Variants in KLKB1 observed in about 807,000 individuals in gnomAD.
KLKB1 encodes plasma kallikrein.
Under a neutral mutation model 73.6 loss-of-function variants are expected in KLKB1, and 58 were observed. The observed-to-expected ratio is 0.79, with a 90% CI of 0.64 to 0.98. The LOEUF (loss-of-function observed/expected upper bound fraction) is 0.98. Among genes scored for constraint, KLKB1 ranks in the 50% least tolerant of loss-of-function variants. The pLI, the probability that KLKB1 is intolerant of heterozygous loss-of-function variation, is 0.00. For synonymous variants in KLKB1, 280 were observed against 258.1 expected, an observed-to-expected ratio of 1.08 and a Z score of -0.81; for missense variants, 737 against 763.8, an observed-to-expected ratio of 0.96 and a Z score of 0.41.
intron 2 of KLKB1, chr4:186,228,976 A>G (rs1413714568): frequency 6.6e-6 from 1 of 152,224 alleles, no homozygotes; most frequent in Non-Finnish European, 1.5e-5. Context: ...TATGGCTACA[A>G]TAAACATCTA....
At chr4:186,226,976 G>A (rs971217402), upstream of KLKB1, among the ~76,000 whole-genome samples, 19 of 152,148 alleles carry the variant, frequency 1.2e-4, no homozygotes, top group African/African-American at 4.6e-4. Context: ...GGGTGAGCAT[G>A]GGGCTGAGGC....
At chr4:186,218,654 G>GCA (rs1736964237) in intron 2 of KLKB1, among the ~76,000 whole-genome samples, 2 of 101,654 alleles carry the variant, frequency 2.0e-5, no homozygotes, top group South Asian at 3.7e-4. Context: ...GTGTGTGTGC[G>GCA]CATGTGTGTG....
At chr4:186,236,688 A>G (rs182007030) in intron 4 of KLKB1, 93 bp from the exon 5 acceptor site, 3 of 1,299,094 alleles carry the variant, frequency 2.3e-6, no homozygotes, top group South Asian at 2.4e-5. Context: ...GGCTATTATC[A>G]TTCTAAACTA....
chr4:186,241,880 A>T (rs1238247723), intron 6 of KLKB1, among the ~76,000 whole-genome samples: 2 of 152,218 alleles, frequency 1.3e-5, no homozygotes, highest in Non-Finnish European at 2.9e-5. Flanking sequence ...AGTGCCCAAC[A>T]TATTAGATAG....
chr4:186,237,277 T>C (rs1737745493), intron 5 of KLKB1, among the ~76,000 whole-genome samples: 1 of 152,116 alleles, frequency 6.6e-6, no homozygotes, highest in South Asian at 2.1e-4. Context: ...TTTTGTATTT[T>C]TAGTAGAGTC....
chr4:186,222,105 GA>G (rs1737045959), upstream of KLKB1, among the ~76,000 whole-genome samples: 1 of 152,156 alleles, frequency 6.6e-6, no homozygotes, highest in South Asian at 2.1e-4. Flanking sequence ...GTTATCATGT[GA>G]ATGCAATCTC....
chr4:186,216,370 C>A (rs1736902721), intron 2 of KLKB1, among the ~76,000 whole-genome samples: 2 of 152,140 alleles, frequency 1.3e-5, no homozygotes, highest in Admixed American at 6.5e-5. Context: ...GTCTGAAAAA[C>A]AACAGAGAAA....
chr4:186,253,357 A>G lies in KLKB1; in HGVS notation c.1313+1172A>G, dbSNP rs190894272. ...GAACATACTGCCACCAAAATATAGC[A>G]GTCGGTGGTACATGTGGGTGGAGCA... On this transcript the variant is annotated intron_variant, in intron 11 of 14. Transcript: ENST00000264690. 3.3e-3 allele frequency among the ~76,000 whole-genome samples: 496 copies of G among 152,324 alleles called. 2 individuals carry two copies. Among genetic ancestry groups the G allele is most frequent in the Non-Finnish European group, 3.3e-3 (222 of 68,014 alleles).
chr4:186,257,811 A>T (rs1393872606), intron 14 of KLKB1, among the ~76,000 whole-genome samples: 2 of 150,786 alleles, frequency 1.3e-5, no homozygotes, highest in Non-Finnish European at 2.9e-5. Flanking sequence ...CACACACAGC[A>T]CTTTGGGAGG....
chr4:186,229,609 G>T (rs917355852), intron 2 of KLKB1, among the ~76,000 whole-genome samples: 11 of 151,992 alleles, frequency 7.2e-5, no homozygotes, highest in African/African-American at 2.7e-4. Context: ...TGAAGGTTTT[G>T]TGGTGTGGTA....
At chr4:186,218,538 T>C (rs1220176548) in intron 2 of KLKB1, among the ~76,000 whole-genome samples, 1 of 152,132 alleles carries the variant, frequency 6.6e-6, no homozygotes, top group Non-Finnish European at 1.5e-5. Context: ...ATTATATATA[T>C]CTACTGTGTA....
chr4:186,228,706 T>C (rs1351409515), intron 2 of KLKB1, among the ~76,000 whole-genome samples: 1 of 152,208 alleles, frequency 6.6e-6, no homozygotes, highest in Non-Finnish European at 1.5e-5. Context: ...TAGGGAACCA[T>C]TTCAAAAATG....
chr4:186,253,090 G>A (rs1453529127), intron 11 of KLKB1, among the ~76,000 whole-genome samples: 3 of 152,122 alleles, frequency 2.0e-5, no homozygotes, highest in East Asian at 1.9e-4. Flanking sequence ...TAATAGTCCC[G>A]AATTTGTAAC....
intron 5 of KLKB1, 46 bp from the exon 6 acceptor site, chr4:186,238,210 C>T (rs1290909897): frequency 8.4e-7 from 1 of 1,189,108 alleles, no homozygotes; most frequent in Non-Finnish European, 1.3e-6. Flanking sequence ...TGCTCCCTGC[C>T]CCTCAAAGTG....
upstream of KLKB1, among the ~76,000 whole-genome samples, chr4:186,226,740 T>A (rs1334312442): frequency 6.6e-6 from 1 of 152,170 alleles, no homozygotes; most frequent in African/African-American, 2.4e-5. Context: ...TGGGTCCACA[T>A]GGCCCAGCAT....
upstream of KLKB1, among the ~76,000 whole-genome samples, chr4:186,223,984 G>A (rs1420981919): frequency 6.6e-6 from 1 of 152,210 alleles, no homozygotes; most frequent in Non-Finnish European, 1.5e-5. Flanking sequence ...TTGGTGCCCT[G>A]TGCCCCAGCC....
intron 11 of KLKB1, among the ~76,000 whole-genome samples, chr4:186,252,791 T>C (rs905503332): frequency 2.0e-5 from 3 of 152,042 alleles, no homozygotes; most frequent in African/African-American, 2.4e-5. Context: ...CAAAGACTTA[T>C]TTGTCAGGCC....
chr4:186,213,354 A>G (rs1188311411), intron 2 of KLKB1: 1 of 152,250 alleles, frequency 6.6e-6, no homozygotes, highest in African/African-American at 2.4e-5. Flanking sequence ...CAGGTACTGC[A>G]TTTTATTCTA....
upstream of KLKB1, chr4:186,226,398 C>G (rs1737169347): frequency 6.6e-6 from 1 of 152,242 alleles, no homozygotes; most frequent in Admixed American, 6.5e-5. Context: ...CTAGCTTCAG[C>G]AGAGAAAGCC....
Sources: gnomAD v4.1 joint callset for allele counts (sites outside exome capture counted in the v4.1 genomes callset) on GRCh38, gnomAD v4.1.1 for gene constraint, MANE v1.5 for transcripts, NCBI Gene and HGNC (gene_info 2026-07-23, HGNC 2026-07-21) for gene names.